FBXO25: variants seen among roughly 807,000 people sequenced by gnomAD.
The protein encoded by FBXO25 is F-box only protein 25.
In FBXO25, 45 loss-of-function variants were observed where a neutral mutation model predicts 51.9. The ratio of observed to expected loss-of-function variants is 0.87; its 90% CI spans 0.68 to 1.11. The LOEUF is 1.11. Ranked by LOEUF, FBXO25 falls within the 50% of genes most tolerant of loss-of-function variation. The pLI, the probability that FBXO25 is intolerant of heterozygous loss-of-function variation, is 0.00. For synonymous variants in FBXO25, 199 were observed against 151.0 expected (o/e 1.32, Z -2.33); for missense variants, 507 against 428.5 (o/e 1.18, Z -1.62).
chr8:432,801 C>A, intron 3 of FBXO25, 85 bp from the exon 4 acceptor site: 1 of 1,382,924 alleles, frequency 7.2e-7, no homozygotes, highest in Non-Finnish European at 9.6e-7. Context: ...ATTTTGTTAA[C>A]ATGTCCAATT....
In FBXO25 at chr8:470,343, A is replaced by G. The variant is rs978980663; in HGVS notation, c.*1539A>G. Reference sequence around the variant, plus strand: ...TTTTAAATATATTTCTAGATTGTTCATGAAAAAAAATTTTTTTGGAGTTTG... The same window carrying G: ...TTTTAAATATATTTCTAGATTGTTCGTGAAAAAAAATTTTTTTGGAGTTTG... On this transcript the variant is annotated 3_prime_UTR_variant, in exon 10 of 10. Transcript: ENST00000350302. 1.3e-5 allele frequency: 2 copies of G among 152,174 alleles called. No individual in the cohort carries two copies. Among genetic ancestry groups the G allele is most frequent in the Admixed American group, 6.5e-5 (1 of 15,268 alleles). 9.4% of individuals were successfully genotyped at this position (152,174 alleles called of 1,614,324 possible).
chr8:468,835 G>T lies in FBXO25; in HGVS notation c.*31G>T, dbSNP rs769121782. On this transcript the variant is annotated 3_prime_UTR_variant, in exon 10 of 10. Coordinates refer to ENST00000350302, the MANE Select transcript of FBXO25 (RefSeq NM_183420.2). ...GCCCCTGCCATCCCTATTGGAGATT[G>T]TGAATCCTGCTGTCTGTGCAGGGCT... 78 of 1,604,190 alleles carry T rather than the reference G, an allele frequency of 4.9e-5. No homozygotes were observed. Among genetic ancestry groups the T allele is most frequent in the Non-Finnish European group, 6.4e-5 (75 of 1,172,988 alleles).
intron 5 of FBXO25, among the ~76,000 whole-genome samples, chr8:440,716 T>C (rs901453679): frequency 6.6e-6 from 1 of 152,126 alleles, no homozygotes; most frequent in Non-Finnish European, 1.5e-5. Context: ...TAGGTATTTC[T>C]CCTAATGCTA....
At chr8:408,909 T>C (rs1796327555) in intron 1 of FBXO25, among the ~76,000 whole-genome samples, 1 of 152,242 alleles carries the variant, frequency 6.6e-6, no homozygotes, top group Non-Finnish European at 1.5e-5. Flanking sequence ...AAAAGTTTAA[T>C]AATTTTCAGG....
chr8:448,383 T>G (rs901154009), intron 5 of FBXO25, among the ~76,000 whole-genome samples: 7 of 152,206 alleles, frequency 4.6e-5, no homozygotes, highest in South Asian at 2.1e-4. Context: ...CGTCTCTTAC[T>G]GAGGGAAAAG....
chr8:455,666 C>A (rs1799375533), intron 7 of FBXO25, among the ~76,000 whole-genome samples: 1 of 152,204 alleles, frequency 6.6e-6, no homozygotes, highest in South Asian at 2.1e-4. Flanking sequence ...GAATCATTGA[C>A]AGTTGCATGC....
At chr8:428,914 C>T (rs1797654620) in intron 2 of FBXO25, among the ~76,000 whole-genome samples, 1 of 152,162 alleles carries the variant, frequency 6.6e-6, no homozygotes, top group Non-Finnish European at 1.5e-5. Flanking sequence ...GTATAGTGTA[C>T]ACCACATTTT....
intron 5 of FBXO25, among the ~76,000 whole-genome samples, chr8:437,083 C>T (rs1798146758): frequency 6.6e-6 from 1 of 151,998 alleles, no homozygotes; most frequent in Non-Finnish European, 1.5e-5. Flanking sequence ...TGTCTGTGTA[C>T]CACATACTAC....
intron 7 of FBXO25, among the ~76,000 whole-genome samples, chr8:456,884 G>A (rs1799474344): frequency 6.6e-6 from 1 of 152,170 alleles, no homozygotes; most frequent in African/African-American, 2.4e-5. Context: ...GGGAGCAGGA[G>A]AAGAAAGTGG....
At position 458,552 on chromosome 8, in the gene FBXO25, G is replaced by T. The variant is rs758640255; in HGVS notation, c.843+1G>T. 3 of 1,613,696 alleles carry T rather than the reference G, an allele frequency of 1.9e-6. No homozygotes were observed. The highest frequency in any genetic ancestry group is 1.7e-5 in the Admixed American group (1 of 60,000). On this transcript the variant is annotated splice_donor_variant, in intron 8 of 9. Coordinates refer to ENST00000350302, the MANE Select transcript of FBXO25 (RefSeq NM_183420.2). LOFTEE classifies it high-confidence loss of function. The stretch of plus-strand genomic sequence containing the variant: ...TCAGTACCATTTTGCTGAAAAGCAG[G>T]TGAGTGGGATGCAGCAGTCTCCCCT...
chr8:450,209 A>G, intron 6 of FBXO25, 126 bp downstream of exon 6: 1 of 557,768 alleles, frequency 1.8e-6, no homozygotes, highest in East Asian at 3.2e-5. Flanking sequence ...AAATAATGTG[A>G]TAACATCAGA....
intron 5 of FBXO25, among the ~76,000 whole-genome samples, chr8:444,748 T>G (rs1798630966): frequency 6.6e-6 from 1 of 152,222 alleles, no homozygotes; most frequent in Non-Finnish European, 1.5e-5. Context: ...CTTTTTTTAC[T>G]GTACCTTTCC....
At chr8:468,004 C>G (rs576494406) in intron 9 of FBXO25, 72 of 1,330,588 alleles carry the variant, frequency 5.4e-5, no homozygotes, top group Middle Eastern at 2.9e-4. Context: ...AACACTTCAC[C>G]ACACAGCACC....
intron 2 of FBXO25, among the ~76,000 whole-genome samples, chr8:425,059 A>G (rs919459422): frequency 5.9e-5 from 9 of 152,270 alleles, no homozygotes; most frequent in African/African-American, 2.2e-4. Context: ...CTTCATTTTT[A>G]TAAAGGAAAC....
intron 8 of FBXO25, among the ~76,000 whole-genome samples, chr8:458,824 G>A (rs968260982): frequency 6.6e-6 from 1 of 152,156 alleles, no homozygotes; most frequent in African/African-American, 2.4e-5. Context: ...TGTTGATAAC[G>A]AGGTGCATAG....
At chr8:458,098 C>T (rs552132520) in intron 7 of FBXO25, among the ~76,000 whole-genome samples, 46 of 152,336 alleles carry the variant, frequency 3.0e-4, no homozygotes, top group African/African-American at 1.0e-3. Flanking sequence ...CTGATGCTGA[C>T]GCACACCTGT....
At chr8:418,333 C>CTTTTTTTTTTTTTTTTTTTTTTTTTTTTT (rs1207244013) in intron 2 of FBXO25, among the ~76,000 whole-genome samples, 9 of 72,338 alleles carry the variant, frequency 1.2e-4, no homozygotes, top group Admixed American at 2.0e-4. Context: ...TTTGTTTGTT[C>CTTTTTTTTTTTTTTTTTTTTTTTTTTTTT]TTTTTTTTTT....
At chr8:435,370 C>G (rs1356658603) in intron 4 of FBXO25, 1 of 506,678 alleles carries the variant, frequency 2.0e-6, no homozygotes, top group African/African-American at 2.0e-5. Context: ...AAATATTTGT[C>G]TTTGTCATTA....
chr8:459,033 A>C (rs898910389), intron 8 of FBXO25, among the ~76,000 whole-genome samples: 3 of 152,048 alleles, frequency 2.0e-5, no homozygotes, highest in Non-Finnish European at 2.9e-5. Flanking sequence ...GGGGCAGCAG[A>C]AGGTGTGTTC....
Sources: allele counts gnomAD v4.1 joint callset (sites outside exome capture counted in the v4.1 genomes callset), GRCh38; gene constraint gnomAD v4.1.1; transcripts MANE v1.5; gene names NCBI Gene and HGNC (gene_info 2026-07-23, HGNC 2026-07-21).